The following CYRIA variants were observed in gnomAD, a reference collection of about 807,000 sequenced individuals.
CYRIA encodes the protein CYFIP related Rac1 interactor A, also known as CYFIP-related Rac1 interactor A.
CYRIA carries 15 observed loss-of-function variants against 43.9 expected under a neutral mutation model. The ratio of observed to expected loss-of-function variants is 0.34; its 90% CI spans 0.23 to 0.53. The LOEUF (loss-of-function observed/expected upper bound fraction) is 0.53. Ranked by LOEUF, CYRIA falls within the 20% of genes least tolerant of loss-of-function variation. CYRIA has a pLI of 0.94. For missense variants in CYRIA, 236 were observed against 394.2 expected (o/e 0.60, Z 3.40); for synonymous variants, 117 against 136.0 (o/e 0.86, Z 0.97).
chr2:16,554,699 CCA>C (rs1444129031), intron 11 of CYRIA, among the ~76,000 whole-genome samples: 1 of 152,150 alleles, frequency 6.6e-6, no homozygotes, highest in African/African-American at 2.4e-5. Flanking sequence ...GGTTTGGGAA[CCA>C]CTGGTAAAGT....
chr2:16,628,494 C>T (rs1241590151), intron 1 of CYRIA, among the ~76,000 whole-genome samples: 2 of 152,210 alleles, frequency 1.3e-5, no homozygotes, highest in Non-Finnish European at 2.9e-5. Flanking sequence ...TGGGCACAGG[C>T]GTTTACTTCC....
intron 2 of CYRIA, among the ~76,000 whole-genome samples, chr2:16,593,598 A>G (rs1035371952): frequency 2.6e-5 from 4 of 152,084 alleles, no homozygotes; most frequent in Non-Finnish European, 5.9e-5. Flanking sequence ...AAATTCCCGA[A>G]CATAAACAAA....
intron 2 of CYRIA, among the ~76,000 whole-genome samples, chr2:16,600,000 C>T (rs1227072734): frequency 6.6e-6 from 1 of 152,196 alleles, no homozygotes; most frequent in Non-Finnish European, 1.5e-5. Flanking sequence ...AGGTGATCCA[C>T]CCGCCTCGGT....
intron 1 of CYRIA, among the ~76,000 whole-genome samples, chr2:16,640,970 C>T (rs116420590): frequency 0.016 from 2,423 of 149,440 alleles, 62 homozygotes; most frequent in African/African-American, 0.055. Flanking sequence ...TGACGAGTTT[C>T]TCAGGGAGGG....
chr2:16,575,717 G>A (rs939216276), intron 3 of CYRIA, among the ~76,000 whole-genome samples: 8 of 151,922 alleles, frequency 5.3e-5, no homozygotes, highest in East Asian at 3.9e-4. Context: ...TTAGCCGGGC[G>A]TGATGGCGGG....
At chr2:16,568,459 C>G (rs2103423361) in intron 3 of CYRIA, among the ~76,000 whole-genome samples, 1 of 152,182 alleles carries the variant, frequency 6.6e-6, no homozygotes, top group South Asian at 2.1e-4. Flanking sequence ...GTCTTAAACA[C>G]AAACCTAAAA....
intron 3 of CYRIA, among the ~76,000 whole-genome samples, chr2:16,586,785 A>T (rs1303645636): frequency 6.6e-6 from 1 of 152,110 alleles, no homozygotes; most frequent in Non-Finnish European, 1.5e-5. Flanking sequence ...ATTATTTTTA[A>T]TGGCGATAAA....
intron 2 of CYRIA, among the ~76,000 whole-genome samples, chr2:16,611,344 A>T (rs1222957661): frequency 6.6e-6 from 1 of 152,180 alleles, no homozygotes; most frequent in Non-Finnish European, 1.5e-5. Context: ...CAGCCTGGTG[A>T]CAGAGAGAGA....
At position 16,555,255 on chromosome 2, in the gene CYRIA, C is replaced by A. The variant is rs144048726; in HGVS notation, c.838-116G>T. The A allele has an allele frequency of 2.2e-5, 22 of 992,910 alleles. No individual in the cohort carries two copies. In the South Asian group the frequency reaches 3.5e-4, roughly 16 times the overall value. 61.5% of individuals were successfully genotyped at this position (992,910 alleles called of 1,614,324 possible). A position where few individuals can be genotyped will look rare whatever the true frequency, so the allele number is the denominator to read the frequency against. ...ATTATATCTTCCCATAGAAATCCAA[C>A]GCAGAAATGACCAACAGGTTTTCCT... On this transcript the variant is annotated intron_variant, in intron 10 of 11. Coordinates refer to ENST00000381323, the MANE Select transcript of CYRIA (RefSeq NM_030797.4).
intron 1 of CYRIA, among the ~76,000 whole-genome samples, chr2:16,659,478 T>C (rs1670193395): frequency 6.6e-6 from 1 of 152,242 alleles, no homozygotes; most frequent in Non-Finnish European, 1.5e-5. Flanking sequence ...ATACCCTACA[T>C]GGCTCAGTAG....
rs547711308 is a variant in CYRIA at position 16,571,472 on chromosome 2, C to T, written c.71-5705G>A. Among the ~76,000 whole-genome samples, 11 of 152,304 alleles carry T rather than the reference C, an allele frequency of 7.2e-5. No individual in the cohort carries two copies. The East Asian group carries it at 2.1e-3, about 29-fold the overall frequency. ...TGCACTGGAGAAGGGCTATCAAATC[C>T]ATGTATTCTAATTTTTATAGATCGG... On this transcript the variant is annotated intron_variant, in intron 3 of 11. Coordinates refer to ENST00000381323, the MANE Select transcript of CYRIA (RefSeq NM_030797.4).
At chr2:16,569,855 A>T (rs1667068522) in intron 3 of CYRIA, among the ~76,000 whole-genome samples, 1 of 152,210 alleles carries the variant, frequency 6.6e-6, no homozygotes, top group Admixed American at 6.5e-5. Flanking sequence ...ACTTGACATT[A>T]TATTTCTAGG....
chr2:16,634,154 C>A (rs549720618), intron 1 of CYRIA, among the ~76,000 whole-genome samples: 1 of 152,174 alleles, frequency 6.6e-6, no homozygotes, highest in Admixed American at 6.5e-5. Flanking sequence ...CACTAAGCAA[C>A]CAAGTGGGCA....
At chr2:16,606,115 C>T (rs544772923) in intron 2 of CYRIA, among the ~76,000 whole-genome samples, 25 of 152,256 alleles carry the variant, frequency 1.6e-4, no homozygotes, top group Non-Finnish European at 3.4e-4. Context: ...GCTCCAGGCC[C>T]ATCAATCCAA....
chr2:16,660,910 G>A (rs60258045), intron 1 of CYRIA, among the ~76,000 whole-genome samples: 8,099 of 152,210 alleles, frequency 0.053, 279 homozygotes, highest in South Asian at 0.11. Context: ...GGGGGAAATG[G>A]GATTCTTAGG....
chr2:16,603,609 C>G (rs564082689), intron 2 of CYRIA, among the ~76,000 whole-genome samples: 212 of 152,334 alleles, frequency 1.4e-3, no homozygotes, highest in African/African-American at 5.0e-3. Flanking sequence ...GAGTGAGCTC[C>G]TCGTCTCTGC....
intron 1 of CYRIA, among the ~76,000 whole-genome samples, chr2:16,654,758 GAATT>G (rs1670062139): frequency 6.6e-6 from 1 of 152,156 alleles, no homozygotes; most frequent in Non-Finnish European, 1.5e-5. Context: ...CAAATAGTTA[GAATT>G]AATAGGTGCT....
chr2:16,633,093 G>A (rs1292000758), intron 1 of CYRIA, among the ~76,000 whole-genome samples: 2 of 152,152 alleles, frequency 1.3e-5, no homozygotes, highest in Non-Finnish European at 1.5e-5. Flanking sequence ...ATATTCCTAA[G>A]CTGAGGGTAC....
At chr2:16,628,693 A>T (rs1030843673) in intron 1 of CYRIA, among the ~76,000 whole-genome samples, 2 of 152,208 alleles carry the variant, frequency 1.3e-5, no homozygotes, top group African/African-American at 2.4e-5. Flanking sequence ...ATGTAAGAAC[A>T]TGCAGTCACC....
Sources: gnomAD v4.1 joint callset for allele counts (sites outside exome capture counted in the v4.1 genomes callset) on GRCh38, gnomAD v4.1.1 for gene constraint, MANE v1.5 for transcripts, NCBI Gene and HGNC (gene_info 2026-07-23, HGNC 2026-07-21) for gene names.